Variants in SLC44A5 observed in about 807,000 individuals in gnomAD.
The protein encoded by SLC44A5 is choline transporter-like protein 5.
Under a neutral mutation model 101.8 loss-of-function variants are expected in SLC44A5, and 57 were observed. The ratio of observed to expected loss-of-function variants is 0.56; its 90% CI spans 0.45 to 0.70. SLC44A5 has a LOEUF of 0.70. Ranked by LOEUF, SLC44A5 falls within the 30% of genes least tolerant of loss-of-function variation. The pLI is 0.00. For missense variants in SLC44A5, 737 were observed against 853.1 expected (o/e 0.86, Z 1.70); for synonymous variants, 281 against 290.9 (o/e 0.97, Z 0.35).
chr1:75,635,688 A>G, the SLC44A5 span, among the ~76,000 whole-genome samples: 1 of 151,062 alleles, frequency 6.6e-6, no homozygotes, highest in Non-Finnish European at 1.5e-5. Context: ...GAATAGCATT[A>G]GGAGATACAC....
intron 4 of SLC44A5, among the ~76,000 whole-genome samples, chr1:75,316,501 A>C (rs906859055): frequency 6.6e-6 from 1 of 152,234 alleles, no homozygotes; most frequent in African/African-American, 2.4e-5. Flanking sequence ...CTGGCATAAC[A>C]CTGTGTTCTA....
At chr1:75,313,202 G>A (rs1270491819) in intron 4 of SLC44A5, among the ~76,000 whole-genome samples, 3 of 152,122 alleles carry the variant, frequency 2.0e-5, no homozygotes, top group African/African-American at 4.8e-5. Context: ...GAAAATAAAT[G>A]TCAGAGCATG....
chr1:75,564,773 C>T (rs1244145341), intron 1 of SLC44A5, among the ~76,000 whole-genome samples: 1 of 152,052 alleles, frequency 6.6e-6, no homozygotes, highest in Non-Finnish European at 1.5e-5. Flanking sequence ...GTGACCGCCA[C>T]CACCAGGCCC....
chr1:75,428,535 C>T (rs1029884301), intron 2 of SLC44A5, among the ~76,000 whole-genome samples: 3 of 152,050 alleles, frequency 2.0e-5, no homozygotes, highest in Admixed American at 6.6e-5. Context: ...AAATGTGATC[C>T]GATCAGATGT....
intron 2 of SLC44A5, among the ~76,000 whole-genome samples, chr1:75,504,115 A>G (rs1364682235): frequency 6.6e-6 from 1 of 152,176 alleles, no homozygotes; most frequent in Non-Finnish European, 1.5e-5. Flanking sequence ...TAAATCGGCA[A>G]AGTAACTCGA....
the SLC44A5 span, among the ~76,000 whole-genome samples, chr1:75,706,240 T>C: frequency 6.6e-6 from 1 of 152,176 alleles, no homozygotes; most frequent in South Asian, 2.1e-4. Context: ...ATTTCTTCTT[T>C]AACTTACAAA....
At chr1:75,685,341 A>G in the SLC44A5 span, among the ~76,000 whole-genome samples, 1 of 152,170 alleles carries the variant, frequency 6.6e-6, no homozygotes, top group African/African-American at 2.4e-5. Flanking sequence ...TACTTATGCA[A>G]ATTTCTGCAG....
At chr1:75,678,022 G>C in the SLC44A5 span, among the ~76,000 whole-genome samples, 1 of 152,170 alleles carries the variant, frequency 6.6e-6, no homozygotes, top group Non-Finnish European at 1.5e-5. Flanking sequence ...GGAAAATTGG[G>C]TCACTCCCAC....
intron 6 of SLC44A5, among the ~76,000 whole-genome samples, chr1:75,254,944 A>G (rs1201940279): frequency 1.3e-5 from 2 of 152,178 alleles, no homozygotes; most frequent in Non-Finnish European, 2.9e-5. Context: ...AAGAAAGTTT[A>G]TGATTTTGTG....
At chr1:75,329,120 C>G (rs1656829116) in intron 4 of SLC44A5, among the ~76,000 whole-genome samples, 1 of 152,148 alleles carries the variant, frequency 6.6e-6, no homozygotes, top group Non-Finnish European at 1.5e-5. Flanking sequence ...TACCCTTGAA[C>G]CTAAAGGAAG....
chr1:75,675,327 T>C, the SLC44A5 span, among the ~76,000 whole-genome samples: 2 of 152,182 alleles, frequency 1.3e-5, no homozygotes, highest in African/African-American at 2.4e-5. Context: ...GGTCCTTTAC[T>C]TCCCTCATTA....
In SLC44A5 at chr1:75,251,114, G is replaced by GCA. The variant is rs376766731; in HGVS notation, c.345+94_345+95dup. 800 of 898,972 alleles carry GCA rather than the reference G, an allele frequency of 8.9e-4. 2 individuals are homozygous for GCA. The African/African-American group carries it at 0.012, about 13-fold the overall frequency. 55.7% of individuals were successfully genotyped at this position (898,972 alleles called of 1,614,324 possible). ...AATTCATAATGAACCCCCTGCCCAC[G>GCA]CACACACACAGAGAACTCAAATGGA... On this transcript the variant is annotated intron_variant, in intron 7 of 23. Transcript: ENST00000370859.
chr1:75,586,624 T>C (rs1274564638), intron 1 of SLC44A5, among the ~76,000 whole-genome samples: 1 of 152,046 alleles, frequency 6.6e-6, no homozygotes, highest in East Asian at 1.9e-4. Context: ...ACCTGTCTTC[T>C]AGGATGAATG....
At chr1:75,214,367 G>A (rs934699196) in intron 20 of SLC44A5, among the ~76,000 whole-genome samples, 1 of 151,880 alleles carries the variant, frequency 6.6e-6, no homozygotes, top group Non-Finnish European at 1.5e-5. Flanking sequence ...TGAGCAGAGG[G>A]GATAATAAAA....
intron 1 of SLC44A5, among the ~76,000 whole-genome samples, chr1:75,560,996 T>A (rs192794957): frequency 6.6e-6 from 1 of 152,306 alleles, no homozygotes; most frequent in East Asian, 1.9e-4. Flanking sequence ...AAACTACCTC[T>A]GATTAAAACT....
chr1:75,672,737 T>C, the SLC44A5 span, among the ~76,000 whole-genome samples: 1 of 152,074 alleles, frequency 6.6e-6, no homozygotes, highest in African/African-American at 2.4e-5. Flanking sequence ...TAAAGAGAAC[T>C]TTGTCTTGTA....
At chr1:75,561,228 G>T (rs1672501135) in intron 1 of SLC44A5, among the ~76,000 whole-genome samples, 2 of 152,030 alleles carry the variant, frequency 1.3e-5, no homozygotes, top group Admixed American at 1.3e-4. Flanking sequence ...AATTATACAT[G>T]GAGTCTCCCA....
the SLC44A5 span, among the ~76,000 whole-genome samples, chr1:75,633,236 G>A: frequency 1.3e-5 from 2 of 152,140 alleles, no homozygotes; most frequent in Non-Finnish European, 2.9e-5. Context: ...CTTTAAAGTA[G>A]TTTTTTCCAA....
intron 23 of SLC44A5, among the ~76,000 whole-genome samples, chr1:75,209,936 A>G (rs1184640911): frequency 6.6e-6 from 1 of 152,132 alleles, no homozygotes; most frequent in Non-Finnish European, 1.5e-5. Context: ...TACTGACTCT[A>G]CTTTCTGTTG....
Sources: allele counts gnomAD v4.1 joint callset (sites outside exome capture counted in the v4.1 genomes callset), GRCh38; gene constraint gnomAD v4.1.1; transcripts MANE v1.5; gene names NCBI Gene and HGNC (gene_info 2026-07-23, HGNC 2026-07-21).